Variants in CYFIP1 observed in about 807,000 individuals in gnomAD.
The protein encoded by CYFIP1 is cytoplasmic FMR1 interacting protein 1, also known as cytoplasmic FMR1-interacting protein 1.
Under a neutral mutation model 163.5 loss-of-function variants are expected in CYFIP1, and 58 were observed. The observed-to-expected ratio is 0.35, with a 90% CI of 0.29 to 0.44. CYFIP1 has a LOEUF of 0.44. Ranked by LOEUF, CYFIP1 falls within the 20% of genes least tolerant of loss-of-function variation. CYFIP1 has a pLI of 1.00. For synonymous variants in CYFIP1, 663 were observed against 660.7 expected (o/e 1.00, Z -0.05); for missense variants, 1,338 against 1,653.8 (o/e 0.81, Z 3.31).
intron 1 of CYFIP1, among the ~76,000 whole-genome samples, chr15:22,949,541 C>T (rs1487656570): frequency 6.6e-6 from 1 of 152,162 alleles, no homozygotes; most frequent in Non-Finnish European, 1.5e-5. Context: ...ACACAACGAC[C>T]CCACAGCTCT....
At chr15:22,903,583 G>T in intron 22 of CYFIP1, 123 bp downstream of exon 22, 1 of 1,046,962 alleles carries the variant, frequency 9.6e-7, no homozygotes, top group South Asian at 1.4e-5. Flanking sequence ...TGCTCTTCAT[G>T]TGAGAAGTGA....
Position 22,964,834 on chromosome 15 carries a change from GC to G in CYFIP1, c.-7+15452del, listed in dbSNP as rs369726379. Among the ~76,000 whole-genome samples the G allele has an allele frequency of 1.7e-3, 261 of 152,280 alleles. No homozygotes were observed. In the Middle Eastern group the frequency reaches 0.02, roughly 12 times the overall value. ...ATGCCAACCCCAGCCCCGTCTGCCTGCCCAGATGGGTTATTTGCAGCGACCC... is the reference window on the plus strand; with the variant it reads ...ATGCCAACCCCAGCCCCGTCTGCCTGCCAGATGGGTTATTTGCAGCGACCC... On this transcript the variant is annotated intron_variant, in intron 1 of 30. Coordinates refer to ENST00000617928, the MANE Select transcript of CYFIP1 (RefSeq NM_014608.6).
At position 22,869,855 on chromosome 15, in the gene CYFIP1, A is replaced by G; in HGVS notation, c.*173T>C. 1 of 515,252 alleles carries G rather than the reference A, an allele frequency of 1.9e-6. No individual in the cohort carries two copies. The highest frequency in any genetic ancestry group is 3.1e-6 in the Non-Finnish European group (1 of 319,830). 31.9% of individuals were successfully genotyped at this position (515,252 alleles called of 1,614,324 possible). The stretch of plus-strand genomic sequence containing the variant: ...AAGAGTTCCTAATTACCAAAAGCAT[A>G]TACAATTTTAGTCTAGAAAAATAAG... On this transcript the variant is annotated 3_prime_UTR_variant, in exon 31 of 31. Transcript: ENST00000617928.
At chr15:22,941,374 T>C (rs2061887841) in intron 6 of CYFIP1, among the ~76,000 whole-genome samples, 1 of 152,258 alleles carries the variant, frequency 6.6e-6, no homozygotes, top group South Asian at 2.1e-4. Context: ...GTTTGCTTTA[T>C]TGATTTGAGT....
intron 1 of CYFIP1, among the ~76,000 whole-genome samples, chr15:22,975,269 T>C (rs2063227215): frequency 6.6e-6 from 1 of 151,852 alleles, no homozygotes; most frequent in African/African-American, 2.4e-5. Flanking sequence ...AAAGTTATAC[T>C]TGTCCAGCCT....
intron 1 of CYFIP1, among the ~76,000 whole-genome samples, chr15:22,966,771 A>C (rs2062923659): frequency 6.6e-6 from 1 of 151,658 alleles, no homozygotes. Flanking sequence ...TTGTGGAGAA[A>C]GGGAACCCGC....
At chr15:22,933,725 A>G (rs2061611617) in intron 10 of CYFIP1, 77 bp downstream of exon 10, 2 of 1,050,748 alleles carry the variant, frequency 1.9e-6, no homozygotes, top group African/African-American at 3.2e-5. Flanking sequence ...CTCTAGACAA[A>G]TAAGCAGGAT....
intron 22 of CYFIP1, among the ~76,000 whole-genome samples, chr15:22,896,008 G>A (rs2060225575): frequency 6.6e-6 from 1 of 152,192 alleles, no homozygotes; most frequent in Non-Finnish European, 1.5e-5. Flanking sequence ...CACGCCCAGT[G>A]AGTACTGCGA....
At position 22,917,963 on chromosome 15, in the gene CYFIP1, G is replaced by C; in HGVS notation, c.1527-28C>G. The C allele has an allele frequency of 6.2e-7, 1 of 1,603,598 alleles. No homozygotes were observed. On this transcript the variant is annotated intron_variant, in intron 14 of 30. Coordinates refer to ENST00000617928, the MANE Select transcript of CYFIP1 (RefSeq NM_014608.6). The surrounding 1 kb of genome is among the most constrained non-coding windows in gnomAD (Gnocchi z 4.2). The stretch of plus-strand genomic sequence containing the variant: ...GAACACCCCACCAAGTGATCAGCAA[G>C]GCCCAGAGGCCGAGACCTCCAGCCT...
intron 22 of CYFIP1, among the ~76,000 whole-genome samples, chr15:22,897,937 T>C (rs1393589523): frequency 6.6e-6 from 1 of 152,182 alleles, no homozygotes; most frequent in African/African-American, 2.4e-5. Context: ...TCAGGAGCTG[T>C]TTCTGTTAAG....
At chr15:22,926,707 C>G (rs2061368187) in intron 12 of CYFIP1, among the ~76,000 whole-genome samples, 1 of 152,008 alleles carries the variant, frequency 6.6e-6, no homozygotes, top group South Asian at 2.1e-4. Context: ...GCTGGAGCTC[C>G]AAAGAGAAAA....
chr15:22,927,780 A>G (rs1181340118), intron 12 of CYFIP1, 126 bp downstream of exon 12: 34 of 926,244 alleles, frequency 3.7e-5, no homozygotes, highest in African/African-American at 3.5e-5. Flanking sequence ...CCTTGGAAAC[A>G]TATCTACTGA....
At chr15:22,961,473 G>A (rs1458720259) in intron 1 of CYFIP1, among the ~76,000 whole-genome samples, 3 of 152,106 alleles carry the variant, frequency 2.0e-5, no homozygotes, top group Non-Finnish European at 2.9e-5. Context: ...CAACTTCTCA[G>A]GCTCAAGTGA....
intron 1 of CYFIP1, among the ~76,000 whole-genome samples, chr15:22,976,726 T>C (rs1203502955): frequency 6.6e-6 from 1 of 152,178 alleles, no homozygotes; most frequent in Non-Finnish European, 1.5e-5. Context: ...TAGGCATAGA[T>C]GTATAGGGAA....
chr15:22,943,117 G>T, intron 6 of CYFIP1, 56 bp downstream of exon 6: 1 of 1,551,570 alleles, frequency 6.4e-7, no homozygotes, highest in Non-Finnish European at 8.8e-7. Context: ...GCACAAGGCA[G>T]GCCACTGAGC....
At chr15:22,883,165 C>A in intron 23 of CYFIP1, among the ~76,000 whole-genome samples, 154 bp from the exon 24 acceptor site, 1 of 152,198 alleles carries the variant, frequency 6.6e-6, no homozygotes, top group South Asian at 2.1e-4. Flanking sequence ...GGTACAGTTA[C>A]AAAACCTACT....
Position 22,874,612 on chromosome 15 carries a change from G to A in CYFIP1, c.3148C>T (p.Leu1050=), listed in dbSNP as rs867710551. The change falls in exon 28 of 31, where the codon CTA becomes TTA. Residue 1050 remains leucine, a synonymous_variant. Coordinates refer to ENST00000617928, the MANE Select transcript of CYFIP1 (RefSeq NM_014608.6). ...GERLDAKMKR[L]ESKYAPLHLV... ...TGCAGCGGGGCGTACTTTGATTCTA[G>A]TCTTTTCATTTTGGCATCAAGTCTC... The A allele has an allele frequency of 1.9e-6, 3 of 1,604,562 alleles. No individual in the cohort carries two copies. The highest frequency in any genetic ancestry group is 2.5e-6 in the Non-Finnish European group (3 of 1,176,574).
intron 1 of CYFIP1, among the ~76,000 whole-genome samples, chr15:22,964,274 C>CCACACACACACACACACACACACACACA (rs60879784): frequency 1.0e-5 from 1 of 97,154 alleles, no homozygotes; most frequent in African/African-American, 4.1e-5. Context: ...CTCCTCCTCA[C>CCACACACACACACACACACACACACACA]CACACACACA....
chr15:22,910,641 G>C lies in CYFIP1; in HGVS notation c.2160-13C>G. 6.2e-7 allele frequency: 1 copy of C among 1,612,622 alleles called. No homozygotes were observed. The highest frequency in any genetic ancestry group is 2.2e-5 in the East Asian group (1 of 44,882). Reference sequence around the variant, plus strand: ...ATCAAGAAGCAAACTAGTGTAGAAGGAAGACAGAAAGTTTTTCATACGCCA... The same window carrying C: ...ATCAAGAAGCAAACTAGTGTAGAAGCAAGACAGAAAGTTTTTCATACGCCA... On this transcript the variant is annotated splice_polypyrimidine_tract_variant and intron_variant, in intron 19 of 30. Transcript: ENST00000617928.
Sources: gnomAD v4.1 joint callset for allele counts (sites outside exome capture counted in the v4.1 genomes callset) on GRCh38, gnomAD v4.1.1 for gene constraint, Gnocchi (gnomAD v3.1) non-coding constraint, MANE v1.5 for transcripts, NCBI Gene and HGNC (gene_info 2026-07-23, HGNC 2026-07-21) for gene names.